HMX1: variants seen among roughly 807,000 people sequenced by gnomAD.
The protein encoded by HMX1 is homeobox protein HMX1.
A neutral mutation model predicts 8.9 loss-of-function variants in HMX1; 8 were observed. That is an observed-to-expected ratio of 0.90 (90% CI 0.53 to 1.63). The LOEUF is 1.63. Among genes scored for constraint, HMX1 ranks in the 40% most tolerant of loss-of-function variants. HMX1 has a pLI of 0.00. For missense variants in HMX1, 621 were observed against 558.5 expected, an observed-to-expected ratio of 1.11 and a Z score of -1.13; for synonymous variants, 311 against 283.4, an observed-to-expected ratio of 1.10 and a Z score of -0.98.
Position 8,854,389 on chromosome 4 carries a change from C to A in HMX1, c.395-8065G>T, listed in dbSNP as rs1003960991. Among the ~76,000 whole-genome samples the A allele has an allele frequency of 4.6e-5, 7 of 152,344 alleles. No homozygotes were observed. The East Asian group carries it at 1.4e-3, about 29-fold the overall frequency. On this transcript the variant is annotated intron_variant, in intron 1 of 1. Coordinates refer to the HMX1 transcript ENST00000506970. Reference sequence around the variant, plus strand: ...ATCCAGGTACACATTTGCCATAATGCCAGTGAAAATATCACTGCTGGGACA... The same window carrying A: ...ATCCAGGTACACATTTGCCATAATGACAGTGAAAATATCACTGCTGGGACA...
chr4:8,868,960 G>C lies in HMX1; in HGVS notation c.395-615C>G, dbSNP rs572496818. Among the ~76,000 whole-genome samples the C allele has an allele frequency of 6.6e-6, 1 of 152,150 alleles. No individual in the cohort carries two copies. Among genetic ancestry groups the C allele is most frequent in the Admixed American group, 6.5e-5 (1 of 15,292 alleles). On this transcript the variant is annotated intron_variant, in intron 1 of 1. Transcript: ENST00000400677. The surrounding 1 kb of genome is among the most constrained non-coding windows in gnomAD (Gnocchi z 4.6). ...AAACCAATGCAAAGGATCCCCAAAAGAGAACTCCCATCAGGTGAGGCTGTC... is the reference window on the plus strand; with the variant it reads ...AAACCAATGCAAAGGATCCCCAAAACAGAACTCCCATCAGGTGAGGCTGTC...
downstream of HMX1, among the ~76,000 whole-genome samples, chr4:8,863,504 G>A (rs921735060): frequency 6.6e-6 from 1 of 152,244 alleles, no homozygotes; most frequent in Non-Finnish European, 1.5e-5. Context: ...GATGGGTGAG[G>A]GCACTGGGCA....
At chr4:8,863,519 T>C (rs1721898783), downstream of HMX1, among the ~76,000 whole-genome samples, 1 of 152,206 alleles carries the variant, frequency 6.6e-6, no homozygotes, top group Admixed American at 6.5e-5. Context: ...TGGGCACCCC[T>C]CCCCTGCACC....
chr4:8,864,501 T>G (rs550884037), downstream of HMX1, among the ~76,000 whole-genome samples: 16 of 152,276 alleles, frequency 1.1e-4, no homozygotes, highest in South Asian at 8.3e-4. Context: ...CTGCCAGTGG[T>G]GGAGCCAACG....
chr4:8,860,545 T>C (rs538232074), intron 1 of HMX1: 10,061 of 152,312 alleles, frequency 0.066, 1,101 homozygotes, highest in African/African-American at 0.22. Context: ...TAACCCTTCC[T>C]GGGGAGTGGG....
At chr4:8,851,398 T>C (rs1721444945) in intron 1 of HMX1, among the ~76,000 whole-genome samples, 1 of 152,092 alleles carries the variant, frequency 6.6e-6, no homozygotes, top group African/African-American at 2.4e-5. Flanking sequence ...CTTCCCTCCA[T>C]GGCTCCCGCG....
downstream of HMX1, among the ~76,000 whole-genome samples, chr4:8,866,418 A>G (rs1721997452): frequency 6.6e-6 from 1 of 152,216 alleles, no homozygotes; most frequent in Admixed American, 6.5e-5. Context: ...AACACACACC[A>G]AATACTGTCC....
rs749030652 is a variant in HMX1 at position 8,855,402 on chromosome 4, G to GA, written c.395-9079dup. Among the ~76,000 whole-genome samples the GA allele has an allele frequency of 3.5e-4, 53 of 152,332 alleles. No homozygotes were observed. In the Middle Eastern group the frequency reaches 0.01, roughly 29 times the overall value. On this transcript the variant is annotated intron_variant, in intron 1 of 1. Transcript: ENST00000506970. ...CCCCAAGGAGCTCACAGTCTCACAA[G>GA]AAAGTCAGACAAGAAACAGCCGTGA...
rs1221016777 is a variant in HMX1, at chr4:8,848,594, G to A, written c.395-2270C>T. Among the ~76,000 whole-genome samples the A allele has an allele frequency of 2.6e-5, 4 of 152,192 alleles. No homozygotes were observed. On this transcript the variant is annotated intron_variant, in intron 1 of 1. Coordinates refer to the HMX1 transcript ENST00000506970. This position sits in a 1 kb window ranked among gnomAD's most constrained non-coding sequence, Gnocchi z 4.1. Reference sequence around the variant, plus strand: ...GTGGATGGAGCTGGGCCCATAACTTGGCACTTGCTCCAGGCATGCTTGGAG... The same window carrying A: ...GTGGATGGAGCTGGGCCCATAACTTAGCACTTGCTCCAGGCATGCTTGGAG...
At chr4:8,869,884 G>A (rs1029573205) in intron 1 of HMX1, among the ~76,000 whole-genome samples, 2 of 152,152 alleles carry the variant, frequency 1.3e-5, no homozygotes, top group Admixed American at 1.3e-4. Flanking sequence ...GGGATGAGTG[G>A]AGAACAAATT....
In HMX1 at chr4:8,847,702, T is replaced by TTG. The variant is rs1294669019; in HGVS notation, c.395-1379_395-1378insCA. On this transcript the variant is annotated intron_variant, in intron 1 of 1. Transcript: ENST00000506970. The surrounding 1 kb of genome is among the most constrained non-coding windows in gnomAD (Gnocchi z 6.0). The stretch of plus-strand genomic sequence containing the variant: ...CAGATTTGAACCTGGAGCTGTGGTC[T>TTG]TTCCAGTATATGAGGCCTGCCTTGA... Among the ~76,000 whole-genome samples, 13 of 152,352 alleles carry TTG rather than the reference T, an allele frequency of 8.5e-5. No individual in the cohort carries two copies. In the East Asian group the frequency reaches 2.5e-3, roughly 29 times the overall value.
At position 8,868,399 on chromosome 4, in the gene HMX1, C is replaced by T. The variant is rs1423080574; in HGVS notation, c.395-54G>A. 3 of 1,256,516 alleles carry T rather than the reference C, an allele frequency of 2.4e-6. No homozygotes were observed. Among genetic ancestry groups the T allele is most frequent in the East Asian group, 6.4e-5 (2 of 31,330 alleles). 77.8% of individuals were successfully genotyped at this position (1,256,516 alleles called of 1,614,324 possible). On this transcript the variant is annotated intron_variant, in intron 1 of 1. Coordinates refer to ENST00000400677, the MANE Select transcript of HMX1 (RefSeq NM_018942.3). This position sits in a 1 kb window ranked among gnomAD's most constrained non-coding sequence, Gnocchi z 4.6. ...GTTCTAGGGCACTGATTACCAGACT[C>T]AATCACTGAGGCCAGCCGTCCCCAC... is the stretch of plus-strand genomic sequence containing the variant.
chr4:8,866,231 C>T (rs539407675), downstream of HMX1, among the ~76,000 whole-genome samples: 45 of 152,326 alleles, frequency 3.0e-4, no homozygotes, highest in Admixed American at 6.5e-4. Flanking sequence ...TCTCCTTGGC[C>T]GTCTGGCGCT....
At chr4:8,851,672 C>T (rs1001723438) in intron 1 of HMX1, among the ~76,000 whole-genome samples, 1 of 152,244 alleles carries the variant, frequency 6.6e-6, no homozygotes, top group African/African-American at 2.4e-5. Flanking sequence ...TCGTCTCAGG[C>T]ATGAATCTGC....
At chr4:8,864,875 C>T (rs552472871), downstream of HMX1, among the ~76,000 whole-genome samples, 13 of 152,236 alleles carry the variant, frequency 8.5e-5, no homozygotes, top group Non-Finnish European at 1.5e-4. Flanking sequence ...GCCCATAAGA[C>T]GCTCTCCAGC....
chr4:8,860,963 G>A (rs1232708494), intron 1 of HMX1: 1 of 138,454 alleles, frequency 7.2e-6, no homozygotes, highest in Non-Finnish European at 1.5e-5. Flanking sequence ...GCGGGGGCGG[G>A]GGCGAGGGCG....
chr4:8,858,533 A>AGT (rs1409308923), intron 1 of HMX1, among the ~76,000 whole-genome samples: 2 of 152,188 alleles, frequency 1.3e-5, no homozygotes, highest in African/African-American at 4.8e-5. Flanking sequence ...CAGGAGGCCT[A>AGT]GGTCCATTCG....
chr4:8,862,140 G>A (rs976508844), downstream of HMX1, among the ~76,000 whole-genome samples: 2 of 152,260 alleles, frequency 1.3e-5, no homozygotes, highest in Non-Finnish European at 2.9e-5. Flanking sequence ...CGGAGGCCGG[G>A]AAAGCTGCGT....
At position 8,870,153 on chromosome 4, in the gene HMX1, T is replaced by C. The variant is rs1722164947; in HGVS notation, c.394+1068A>G. ...ACTAATATTCATACAGAGGACAGCA[T>C]GGATCCCAGAGCCGGAGCCTGCAGA... On this transcript the variant is annotated intron_variant, in intron 1 of 1. Transcript: ENST00000400677. The surrounding 1 kb of genome is among the most constrained non-coding windows in gnomAD (Gnocchi z 4.4). Among the ~76,000 whole-genome samples the C allele has an allele frequency of 1.3e-5, 2 of 151,346 alleles. No homozygotes were observed. Among genetic ancestry groups the C allele is most frequent in the South Asian group, 2.1e-4 (1 of 4,792 alleles).
Sources: gnomAD v4.1 joint callset for allele counts (sites outside exome capture counted in the v4.1 genomes callset) on GRCh38, gnomAD v4.1.1 for gene constraint, Gnocchi (gnomAD v3.1) non-coding constraint, MANE v1.5 for transcripts, NCBI Gene and HGNC (gene_info 2026-07-23, HGNC 2026-07-21) for gene names.